The following JMJD1C variants were observed in gnomAD, a reference collection of about 807,000 sequenced individuals.
JMJD1C encodes the protein jumonji domain-containing protein 1C.
A neutral mutation model predicts 245.3 loss-of-function variants in JMJD1C; 31 were observed. That is an observed-to-expected ratio of 0.13 (90% CI 0.09 to 0.17). The LOEUF (loss-of-function observed/expected upper bound fraction) is 0.17, where lower values mean the gene tolerates loss of function less well. Among genes scored for constraint, JMJD1C ranks in the 10% least tolerant of loss-of-function variants. JMJD1C has a pLI of 1.00. For missense variants in JMJD1C, 2,691 were observed against 3,000.2 expected, an observed-to-expected ratio of 0.90 and a Z score of 2.41; for synonymous variants, 1,057 against 1,017.4, an observed-to-expected ratio of 1.04 and a Z score of -0.74.
chr10:63,192,967 G>A lies in JMJD1C; in HGVS notation c.6047C>T (p.Ala2016Val), dbSNP rs756420696. 6 of 1,613,530 alleles carry A rather than the reference G, an allele frequency of 3.7e-6. No individual in the cohort carries two copies. The highest frequency in any genetic ancestry group is 1.7e-6 in the Non-Finnish European group (2 of 1,179,846). Reference sequence around the variant, plus strand: ...TTTTTCCTCTCTGGCTTTTTGCTCTGCAAGATCTGCTAACCAGTGCAGTGG... The same window carrying A: ...TTTTTCCTCTCTGGCTTTTTGCTCTACAAGATCTGCTAACCAGTGCAGTGG... ...QSPLHWLADL[A>V]EQKAREEKKE... The change falls in exon 16 of 26, where the codon GCA (alanine) becomes GTA (valine). Residue 2016 changes from alanine (A) to valine (V), a missense_variant. Ala to Val is a moderately conservative substitution (Grantham distance 64). This residue lies in a region of JMJD1C where 275 missense variants were observed against 285.5 expected (regional missense o/e 0.96). Coordinates refer to ENST00000399262, the MANE Select transcript of JMJD1C (RefSeq NM_032776.3).
chr10:63,175,922 G>C (rs1015175088), intron 24 of JMJD1C, among the ~76,000 whole-genome samples: 3 of 152,136 alleles, frequency 2.0e-5, no homozygotes, highest in Non-Finnish European at 2.9e-5. Flanking sequence ...TGATATGCTA[G>C]CATGCTGAAG....
At position 63,380,500 on chromosome 10, in the gene JMJD1C, C is replaced by A; in HGVS notation, c.169-18G>T. 4 of 1,592,806 alleles carry A rather than the reference C, an allele frequency of 2.5e-6. No individual in the cohort carries two copies. The highest frequency in any genetic ancestry group is 3.4e-6 in the Non-Finnish European group (4 of 1,170,140). The stretch of plus-strand genomic sequence containing the variant: ...ACATACACCTATGAAAACAAAAACA[C>A]AAAATTCAATTAGCAAAATAGAAGA... On this transcript the variant is annotated intron_variant, in intron 1 of 25. Coordinates refer to ENST00000399262, the MANE Select transcript of JMJD1C (RefSeq NM_032776.3).
At chr10:63,453,769 C>T (rs2133039685) in intron 1 of JMJD1C, among the ~76,000 whole-genome samples, 1 of 152,230 alleles carries the variant, frequency 6.6e-6, no homozygotes, top group South Asian at 2.1e-4. Context: ...GATAGAGTCT[C>T]GCTCTGTTGC....
chr10:63,353,578 T>TTA (rs1944543681), intron 2 of JMJD1C, among the ~76,000 whole-genome samples: 1 of 150,794 alleles, frequency 6.6e-6, no homozygotes, highest in Non-Finnish European at 1.5e-5. Context: ...TGCAGTGGCG[T>TTA]GATCTCGGCT....
rs1015652958 is a variant in JMJD1C at position 63,235,501 on chromosome 10, A to G, written c.448-15518T>C. On this transcript the variant is annotated intron_variant, in intron 3 of 25. Transcript: ENST00000399262. The stretch of plus-strand genomic sequence containing the variant: ...AGCAAGAACAAAACTTGGTCTCAAA[A>G]AAAGAAAGAAAGAAAGAAAATCAGC... Among the ~76,000 whole-genome samples the G allele has an allele frequency of 7.2e-5, 11 of 152,202 alleles. No individual in the cohort carries two copies. The East Asian group carries it at 7.7e-4, about 11-fold the overall frequency.
rs541068392 is a variant in JMJD1C at position 63,184,056 on chromosome 10, A to G, written c.6962-487T>C. 9.0e-5 allele frequency among the ~76,000 whole-genome samples: 13 copies of G among 144,614 alleles called. No homozygotes were observed. The Admixed American group carries it at 9.0e-4, about 10-fold the overall frequency. 94.9% of individuals were successfully genotyped at this position (144,614 alleles called of 152,430 possible). A position where few individuals can be genotyped will look rare whatever the true frequency, so the allele number is the denominator to read the frequency against. On this transcript the variant is annotated intron_variant, in intron 21 of 25. Transcript: ENST00000399262. The stretch of plus-strand genomic sequence containing the variant: ...AATTCTCCTGCCTCAGCCTCCTGAT[A>G]GCTGGGACTACAGGTACACGCTACC...
At chr10:63,419,746 T>A (rs1950009776) in intron 1 of JMJD1C, among the ~76,000 whole-genome samples, 1 of 143,494 alleles carries the variant, frequency 7.0e-6, no homozygotes, top group Non-Finnish European at 1.5e-5. Context: ...GCTTAGAAAA[T>A]CTCAAATCAC....
At chr10:63,321,322 T>C (rs1421331552) in intron 2 of JMJD1C, among the ~76,000 whole-genome samples, 1 of 152,262 alleles carries the variant, frequency 6.6e-6, no homozygotes. Flanking sequence ...TCAGTGAATT[T>C]TATAGCTGCT....
chr10:63,244,407 A>C (rs1423887410), intron 3 of JMJD1C, among the ~76,000 whole-genome samples: 2 of 152,202 alleles, frequency 1.3e-5, no homozygotes, highest in Non-Finnish European at 2.9e-5. Flanking sequence ...AAGAAAGGTA[A>C]ATTATTTAAA....
At chr10:63,293,804 C>A (rs1450646882) in intron 2 of JMJD1C, among the ~76,000 whole-genome samples, 1 of 150,526 alleles carries the variant, frequency 6.6e-6, no homozygotes, top group South Asian at 2.1e-4. Context: ...TTTTTTCAAT[C>A]TTCCCAGATG....
chr10:63,486,129 A>T (rs1452290586), intron 1 of JMJD1C, among the ~76,000 whole-genome samples: 3 of 136,534 alleles, frequency 2.2e-5, no homozygotes, highest in Non-Finnish European at 4.6e-5. Flanking sequence ...AAGGGCTTCA[A>T]GCAATTGTAA....
chr10:63,226,317 T>C (rs193287207), intron 3 of JMJD1C, among the ~76,000 whole-genome samples: 122 of 152,304 alleles, frequency 8.0e-4, no homozygotes, highest in African/African-American at 2.7e-3. Context: ...TGTACCTTAG[T>C]CATGATCTAC....
intron 10 of JMJD1C, chr10:63,204,323 T>TG (rs1846355228): frequency 4.1e-6 from 4 of 985,206 alleles, no homozygotes; most frequent in Non-Finnish European, 4.8e-6. Context: ...CATTACAACC[T>TG]GGGGGAAAAA....
At chr10:63,260,490 C>T (rs1854561062) in intron 3 of JMJD1C, among the ~76,000 whole-genome samples, 1 of 151,902 alleles carries the variant, frequency 6.6e-6, no homozygotes, top group Admixed American at 6.6e-5. Context: ...TGAATGTGAT[C>T]AAAACTGTTA....
upstream of JMJD1C, among the ~76,000 whole-genome samples, chr10:63,469,201 C>T (rs1589806817): frequency 6.6e-6 from 1 of 152,272 alleles, no homozygotes; most frequent in East Asian, 1.9e-4. Flanking sequence ...CTTTAAATAT[C>T]ACAGATATTA....
chr10:63,515,193 T>C (rs991213479), intron 1 of JMJD1C, among the ~76,000 whole-genome samples: 1 of 152,200 alleles, frequency 6.6e-6, no homozygotes, highest in Non-Finnish European at 1.5e-5. Context: ...GAGGTGGAGT[T>C]AGGAATTTCC....
At chr10:63,503,438 G>A (rs1325187020) in intron 1 of JMJD1C, among the ~76,000 whole-genome samples, 1 of 152,168 alleles carries the variant, frequency 6.6e-6, no homozygotes, top group African/African-American at 2.4e-5. Flanking sequence ...CAATTTAAGA[G>A]ATCCTTTCTA....
At chr10:63,290,476 G>A (rs1395294830) in intron 2 of JMJD1C, among the ~76,000 whole-genome samples, 2 of 152,068 alleles carry the variant, frequency 1.3e-5, no homozygotes, top group Non-Finnish European at 2.9e-5. Context: ...CACGAGAATC[G>A]CTTGAACCCA....
At chr10:63,482,842 T>C (rs929271437) in intron 1 of JMJD1C, among the ~76,000 whole-genome samples, 2 of 152,166 alleles carry the variant, frequency 1.3e-5, no homozygotes, top group African/African-American at 4.8e-5. Context: ...AATATATGCA[T>C]AGAACATAGT....
Sources: gnomAD v4.1 joint callset for allele counts (sites outside exome capture counted in the v4.1 genomes callset) on GRCh38, gnomAD v4.1.1 for gene constraint, gnomAD v4.1.1 regional missense constraint, MANE v1.5 for transcripts, NCBI Gene and HGNC (gene_info 2026-07-23, HGNC 2026-07-21) for gene names.